The following SMAD5 variants were observed in gnomAD, a reference collection of about 807,000 sequenced individuals.
SMAD5 encodes the protein MAD, mothers against decapentaplegic homolog 5.
A neutral mutation model predicts 43.1 loss-of-function variants in SMAD5; 9 were observed. The ratio of observed to expected loss-of-function variants is 0.21; its 90% CI spans 0.13 to 0.36. The LOEUF is 0.36. Ranked by LOEUF, SMAD5 falls within the 10% of genes least tolerant of loss-of-function variation. SMAD5 has a pLI of 1.00. For missense variants in SMAD5, 348 were observed against 574.0 expected (o/e 0.61, Z 4.02); for synonymous variants, 190 against 192.4 (o/e 0.99, Z 0.10).
intron 6 of SMAD5, 153 bp downstream of exon 6, chr5:136,172,808 A>T (rs1266437977): frequency 3.3e-6 from 2 of 613,356 alleles, no homozygotes; most frequent in Non-Finnish European, 2.9e-6. Context: ...TATTAATCAA[A>T]TAAAGACATG....
At chr5:136,169,807 C>T (rs1754149951) in intron 5 of SMAD5, among the ~76,000 whole-genome samples, 2 of 152,216 alleles carry the variant, frequency 1.3e-5, no homozygotes, top group Non-Finnish European at 1.5e-5. Context: ...GGATTTTGGC[C>T]ATTCTAATAG....
chr5:136,167,773 A>G (rs982706736), intron 5 of SMAD5, among the ~76,000 whole-genome samples: 1 of 148,514 alleles, frequency 6.7e-6, no homozygotes, highest in Non-Finnish European at 1.5e-5. Flanking sequence ...GCGAGATTCC[A>G]TCTCAAAAAA....
chr5:136,136,340 G>A lies in SMAD5; in HGVS notation c.-245+3378G>A, dbSNP rs543429279. Among the ~76,000 whole-genome samples, 10 of 152,190 alleles carry A rather than the reference G, an allele frequency of 6.6e-5. No individual in the cohort carries two copies. In the South Asian group the frequency reaches 2.1e-3, roughly 32 times the overall value. On this transcript the variant is annotated intron_variant, in intron 1 of 7. Coordinates refer to ENST00000545279, the MANE Select transcript of SMAD5 (RefSeq NM_005903.7). ...TTACAGGCACCCACCACCATACCCG[G>A]CTAATTTTTGTATTTTTAGTAGAGA...
rs1754646008 is a variant in SMAD5 at position 136,182,085 on chromosome 5, G to GA, written c.*4605_*4606insA. ...TGATCGTAAACCATTATCCTTTAAA[G>GA]GTTTATTTGAAGATGCTGTTAAAGT... On this transcript the variant is annotated 3_prime_UTR_variant, in exon 8 of 8. Transcript: ENST00000545279. 6.6e-6 allele frequency: 1 copy of GA among 152,060 alleles called. No individual in the cohort carries two copies. Among genetic ancestry groups the GA allele is most frequent in the Non-Finnish European group, 1.5e-5 (1 of 68,014 alleles). 9.4% of individuals were successfully genotyped at this position (152,060 alleles called of 1,614,324 possible).
Position 136,177,512 on chromosome 5 carries a change from G to C in SMAD5, c.*32G>C. 1 of 1,541,468 alleles carries C rather than the reference G, an allele frequency of 6.5e-7. No homozygotes were observed. Among genetic ancestry groups the C allele is most frequent in the Non-Finnish European group, 8.8e-7 (1 of 1,133,358 alleles). On this transcript the variant is annotated 3_prime_UTR_variant, in exon 8 of 8. Transcript: ENST00000545279. The stretch of plus-strand genomic sequence containing the variant: ...AGTATTCTTTTCAATTATATTGTTA[G>C]TGGACTTGTTTTAATTTTAGAGAAA...
chr5:136,149,577 A>C (rs1753381594), intron 2 of SMAD5, among the ~76,000 whole-genome samples: 1 of 151,574 alleles, frequency 6.6e-6, no homozygotes, highest in African/African-American at 2.4e-5. Context: ...TGTGATAACT[A>C]ATGATATTGA....
intron 5 of SMAD5, among the ~76,000 whole-genome samples, chr5:136,170,578 C>T (rs1315961039): frequency 6.6e-6 from 1 of 152,016 alleles, no homozygotes; most frequent in African/African-American, 2.4e-5. Context: ...TTTTACCTCC[C>T]CATATAAAGT....
chr5:136,177,642 T>C lies in SMAD5; in HGVS notation c.*162T>C. The C allele has an allele frequency of 1.7e-6, 1 of 581,888 alleles. No individual in the cohort carries two copies. The highest frequency in any genetic ancestry group is 3.0e-6 in the Non-Finnish European group (1 of 336,938). 36.0% of individuals were successfully genotyped at this position (581,888 alleles called of 1,614,324 possible). A position where few individuals can be genotyped will look rare whatever the true frequency, so the allele number is the denominator to read the frequency against. ...ATTTGTATTTTGTGATGAATCTACA[T>C]TTGTTTGTATTCATGTTCATGTGAT... On this transcript the variant is annotated 3_prime_UTR_variant, in exon 8 of 8. Transcript: ENST00000545279.
Position 136,137,017 on chromosome 5 carries a change from ATTTTTTTTT to A in SMAD5, c.-245+4067_-245+4075del, listed in dbSNP as rs60239443. Among the ~76,000 whole-genome samples the A allele has an allele frequency of 1.8e-4, 20 of 108,996 alleles. No homozygotes were observed. The South Asian group carries it at 3.0e-3, about 17-fold the overall frequency. The allele number at this position is 108,996 out of a possible 152,430, so 71.5% of individuals were successfully genotyped here. A position where few individuals can be genotyped will look rare whatever the true frequency, so the allele number is the denominator to read the frequency against. On this transcript the variant is annotated intron_variant, in intron 1 of 7. Coordinates refer to ENST00000545279, the MANE Select transcript of SMAD5 (RefSeq NM_005903.7). ...TGGCTGGGCTCTTTATTTAGTTTTG[ATTTTTTTTT>A]TTTTTTTTTTTGCCTTGGGCAGCTA...
At chr5:136,170,676 C>G (rs1754186887) in intron 5 of SMAD5, among the ~76,000 whole-genome samples, 1 of 152,114 alleles carries the variant, frequency 6.6e-6, no homozygotes, top group Non-Finnish European at 1.5e-5. Flanking sequence ...GGAAACACTG[C>G]TATCTTGACG....
intron 1 of SMAD5, chr5:136,133,795 C>G (rs531785795): frequency 6.5e-6 from 1 of 154,590 alleles, no homozygotes; most frequent in Non-Finnish European, 1.5e-5. Context: ...TCCCATGTGG[C>G]GCGCCCGTCT....
intron 1 of SMAD5, among the ~76,000 whole-genome samples, chr5:136,139,748 T>G (rs1753010667): frequency 6.6e-6 from 1 of 152,154 alleles, no homozygotes; most frequent in South Asian, 2.1e-4. Flanking sequence ...CAGGCTGGAG[T>G]GCAGTGGCAT....
intron 1 of SMAD5, chr5:136,133,817 A>G (rs1441837308): frequency 6.5e-6 from 1 of 154,586 alleles, no homozygotes; most frequent in Non-Finnish European, 1.5e-5. Context: ...AAGTCTGAGC[A>G]TGCTCAGTAG....
Position 136,161,915 on chromosome 5 carries a change from G to A in SMAD5, c.655+808G>A, listed in dbSNP as rs114085484. On this transcript the variant is annotated intron_variant, in intron 4 of 7. Coordinates refer to ENST00000545279, the MANE Select transcript of SMAD5 (RefSeq NM_005903.7). ...TGATATAAACAAGAGTTAAGTTCTT[G>A]TGGTATATTTCTGGTCACAAAAATA... Among the ~76,000 whole-genome samples the A allele has an allele frequency of 1.5e-3, 226 of 152,260 alleles. 3 individuals carry two copies. The highest frequency in any genetic ancestry group is 5.2e-3 in the African/African-American group (215 of 41,532).
At chr5:136,151,870 T>A (rs1214380525) in intron 2 of SMAD5, among the ~76,000 whole-genome samples, 2 of 152,072 alleles carry the variant, frequency 1.3e-5, no homozygotes, top group African/African-American at 4.8e-5. Context: ...AAACCATGGT[T>A]TTACTTCCTG....
rs538740351 is a variant in SMAD5, at chr5:136,172,278, G to A, written c.776-156G>A. Among the ~76,000 whole-genome samples the A allele has an allele frequency of 1.1e-4, 16 of 152,284 alleles. No homozygotes were observed. In the South Asian group the frequency reaches 3.3e-3, roughly 32 times the overall value. The stretch of plus-strand genomic sequence containing the variant: ...AGCTGATTTCTAGTGCTTGTTTTCG[G>A]ATATAGATTCACAGCTAGGAAGGAC... On this transcript the variant is annotated intron_variant, in intron 5 of 7. Transcript: ENST00000545279.
At chr5:136,172,075 G>A (rs1754240710) in intron 5 of SMAD5, among the ~76,000 whole-genome samples, 2 of 152,184 alleles carry the variant, frequency 1.3e-5, no homozygotes, top group Admixed American at 6.5e-5. Context: ...CAGGAAGCAG[G>A]TCCTCACTAG....
intron 3 of SMAD5, 91 bp from the exon 4 acceptor site, chr5:136,160,757 TTTACAGTC>T: frequency 1.7e-6 from 2 of 1,171,256 alleles, no homozygotes; most frequent in South Asian, 2.9e-5. Flanking sequence ...TTTTAATAGG[TTTACAGTC>T]TTACATGAAT....
chr5:136,158,876 G>A (rs993998772), intron 3 of SMAD5, among the ~76,000 whole-genome samples: 21 of 150,504 alleles, frequency 1.4e-4, no homozygotes, highest in Non-Finnish European at 2.2e-4. Context: ...TCCAGCCTGG[G>A]CGACAGAGCG....
Sources: gnomAD v4.1 joint callset for allele counts (sites outside exome capture counted in the v4.1 genomes callset) on GRCh38, gnomAD v4.1.1 for gene constraint, MANE v1.5 for transcripts, NCBI Gene and HGNC (gene_info 2026-07-23, HGNC 2026-07-21) for gene names.